Variants in GSE1 observed in about 807,000 individuals in gnomAD.
GSE1 encodes Gse1 coiled-coil protein.
Under a neutral mutation model 112.6 loss-of-function variants are expected in GSE1, and 32 were observed. The observed-to-expected ratio is 0.28, with a 90% confidence interval of 0.21 to 0.38. The LOEUF (loss-of-function observed/expected upper bound fraction) is 0.38. Among genes scored for constraint, GSE1 ranks in the 10% least tolerant of loss-of-function variants. The pLI is 1.00. For synonymous variants in GSE1, 1,115 were observed against 735.6 expected, an observed-to-expected ratio of 1.52 and a Z score of -8.35; for missense variants, 2,348 against 1,699.2, an observed-to-expected ratio of 1.38 and a Z score of -6.71.
chr16:85,289,052 C>CA (rs2045127382), intron 1 of GSE1, among the ~76,000 whole-genome samples: 1 of 152,236 alleles, frequency 6.6e-6, no homozygotes, highest in Admixed American at 6.5e-5. Context: ...CAGCAGCTCT[C>CA]ACCACCTACC....
At chr16:85,667,734 G>A (rs193121639) in intron 13 of GSE1, among the ~76,000 whole-genome samples, 2 of 152,276 alleles carry the variant, frequency 1.3e-5, no homozygotes, top group Admixed American at 6.5e-5. Flanking sequence ...TGGCACATGC[G>A]TGTAATTCCA....
chr16:85,502,127 G>A (rs1021430590), intron 2 of GSE1, among the ~76,000 whole-genome samples: 2 of 152,224 alleles, frequency 1.3e-5, no homozygotes, highest in African/African-American at 4.8e-5. Flanking sequence ...TGAGCCTGAG[G>A]GAAGGCAGCT....
chr16:85,671,438 T>TAAAAAAAAAA (rs2053325884), intron 15 of GSE1, among the ~76,000 whole-genome samples: 1 of 13,888 alleles, frequency 7.2e-5, no homozygotes, highest in East Asian at 7.9e-3. Flanking sequence ...AGACTCCGTC[T>TAAAAAAAAAA]CAAAAAAAAA....
At chr16:85,621,351 G>C (rs2048731064) in intron 1 of GSE1, among the ~76,000 whole-genome samples, 1 of 152,248 alleles carries the variant, frequency 6.6e-6, no homozygotes, top group African/African-American at 2.4e-5. Context: ...TCTTGAAAAA[G>C]GTTTGTGTCC....
intron 1 of GSE1, among the ~76,000 whole-genome samples, chr16:85,315,883 T>C (rs915200810): frequency 3.3e-5 from 5 of 151,976 alleles, no homozygotes; most frequent in Admixed American, 6.5e-5. Flanking sequence ...ACCAAGCAAG[T>C]GTATCCGCTG....
chr16:85,460,991 T>A (rs947928696), intron 2 of GSE1, among the ~76,000 whole-genome samples: 1 of 152,188 alleles, frequency 6.6e-6, no homozygotes, highest in South Asian at 2.1e-4. Flanking sequence ...AGTCACAGGC[T>A]GACGGCAGCC....
intron 1 of GSE1, among the ~76,000 whole-genome samples, chr16:85,194,397 T>C (rs2074887663): frequency 6.6e-6 from 1 of 152,190 alleles, no homozygotes; most frequent in Admixed American, 6.5e-5. Flanking sequence ...TTCTTCTAGA[T>C]GTGCACAAGG....
At chr16:85,271,241 C>T (rs79701367) in intron 1 of GSE1, among the ~76,000 whole-genome samples, 2,421 of 152,222 alleles carry the variant, frequency 0.016, 54 homozygotes, top group African/African-American at 0.055. Flanking sequence ...CAAGCAGGAT[C>T]GAGTTCCAGT....
chr16:85,170,474 G>C (rs2074341707), exon 1 of GSE1: 2 of 985,608 alleles, frequency 2.0e-6, no homozygotes, highest in South Asian at 9.4e-5. Flanking sequence ...CGGGGCTTCT[G>C]CACCTCCGAG....
chr16:85,476,400 C>A (rs1296393610), intron 2 of GSE1, among the ~76,000 whole-genome samples: 2 of 152,214 alleles, frequency 1.3e-5, no homozygotes, highest in African/African-American at 4.8e-5. Context: ...TCCCCCCATA[C>A]ACGTGCATAT....
At chr16:85,627,044 C>CTTTTTTTTTTTTTTTTTTTTTTTTGTTTT in intron 1 of GSE1, among the ~76,000 whole-genome samples, 1 of 25,060 alleles carries the variant, frequency 4.0e-5, no homozygotes, top group Non-Finnish European at 7.1e-5. Context: ...TTCTTCTTGC[C>CTTTTTTTTTTTTTTTTTTTTTTTTGTTTT]TTTTTTTTTT....
chr16:85,189,399 T>C (rs764468524), intron 1 of GSE1, among the ~76,000 whole-genome samples: 1 of 152,232 alleles, frequency 6.6e-6, no homozygotes, highest in Non-Finnish European at 1.5e-5. Flanking sequence ...CTTTTGTGCA[T>C]TGTACACAGT....
chr16:85,372,537 A>G (rs924935325), intron 2 of GSE1, among the ~76,000 whole-genome samples: 4 of 150,736 alleles, frequency 2.7e-5, no homozygotes, highest in East Asian at 2.0e-4. Flanking sequence ...GCAAGCACAC[A>G]TTAGCAAGTA....
intron 2 of GSE1, among the ~76,000 whole-genome samples, chr16:85,536,846 G>C (rs1464588277): frequency 6.6e-6 from 1 of 152,258 alleles, no homozygotes; most frequent in Non-Finnish European, 1.5e-5. Flanking sequence ...GCTGCTGTCA[G>C]GAAAGATCAT....
Position 85,478,915 on chromosome 16 carries a change from C to CT in GSE1, c.2464+121275dup, listed in dbSNP as rs1287650370. 6.1e-3 allele frequency among the ~76,000 whole-genome samples: 315 copies of CT among 51,328 alleles called. 37 individuals are homozygous for CT. Among genetic ancestry groups the CT allele is most frequent in the African/African-American group, 0.033 (304 of 9,172 alleles). 33.7% of individuals were successfully genotyped at this position (51,328 alleles called of 152,430 possible). ...TCTTTCTTTCTTTCTTTCTTTCTTT[C>CT]TTTCTTTCTTTCTCTTTCTTTCTTT... On this transcript the variant is annotated intron_variant, in intron 2 of 2. Coordinates refer to the GSE1 transcript ENST00000637419.
intron 1 of GSE1, among the ~76,000 whole-genome samples, chr16:85,215,789 A>G (rs2075298293): frequency 6.6e-6 from 1 of 152,106 alleles, no homozygotes; most frequent in Non-Finnish European, 1.5e-5. Flanking sequence ...GTTATGGGTT[A>G]AGCTGGCTTT....
intron 2 of GSE1, among the ~76,000 whole-genome samples, chr16:85,410,442 C>A (rs1414662446): frequency 4.9e-5 from 1 of 20,242 alleles, no homozygotes; most frequent in Non-Finnish European, 9.6e-5. Flanking sequence ...CCTGGATAAT[C>A]CTCACTGTTA....
Position 85,373,661 on chromosome 16 carries a change from G to A in GSE1, c.2464+16018G>A, listed in dbSNP as rs182613940. ...TGCTGGCCACGGCCTGGAAGAGTCCGCTCAGAGCAGGTGCTCCAGGGAGAT... is the reference window on the plus strand; with the variant it reads ...TGCTGGCCACGGCCTGGAAGAGTCCACTCAGAGCAGGTGCTCCAGGGAGAT... On this transcript the variant is annotated intron_variant, in intron 2 of 2. Transcript: ENST00000637419. The surrounding 1 kb of genome is among the most constrained non-coding windows in gnomAD (Gnocchi z 5.1). Among the ~76,000 whole-genome samples the A allele has an allele frequency of 3.3e-5, 5 of 152,286 alleles. No individual in the cohort carries two copies. The highest frequency in any genetic ancestry group is 7.2e-5 in the African/African-American group (3 of 41,576).
chr16:85,245,586 T>C (rs1415143167), intron 1 of GSE1, among the ~76,000 whole-genome samples: 1 of 152,224 alleles, frequency 6.6e-6, no homozygotes. Context: ...TTCTTGGATA[T>C]AAAGTTTCAT....
Sources: allele counts gnomAD v4.1 joint callset (sites outside exome capture counted in the v4.1 genomes callset), GRCh38; gene constraint gnomAD v4.1.1; non-coding constraint Gnocchi (gnomAD v3.1); transcripts MANE v1.5; gene names NCBI Gene and HGNC (gene_info 2026-07-23, HGNC 2026-07-21).